SCLY: variants seen among roughly 807,000 people sequenced by gnomAD.
SCLY encodes the protein putative selenocysteine lyase.
A neutral mutation model predicts 50.1 loss-of-function variants in SCLY; 38 were observed. That is an observed-to-expected ratio of 0.76 (90% CI 0.59 to 0.99). The LOEUF (loss-of-function observed/expected upper bound fraction) is 0.99, where lower values mean the gene tolerates loss of function less well. Ranked by LOEUF, SCLY falls within the 50% of genes least tolerant of loss-of-function variation. SCLY has a pLI of 0.00. For missense variants in SCLY, 600 were observed against 620.0 expected (o/e 0.97, Z 0.34); for synonymous variants, 243 against 249.4 (o/e 0.97, Z 0.24).
At chr2:238,071,695 C>T (rs1576664319) in intron 4 of SCLY, among the ~76,000 whole-genome samples, 1 of 152,346 alleles carries the variant, frequency 6.6e-6, no homozygotes, top group East Asian at 1.9e-4. Context: ...TTGAGTTCTT[C>T]TTGTGGATAT....
At position 238,098,414 on chromosome 2, in the gene SCLY, T is replaced by G. The variant is rs1574720825; in HGVS notation, c.*59T>G. The stretch of plus-strand genomic sequence containing the variant: ...AAGCCCGTGGCAGGGCACAGGGTTG[T>G]CCCTCCAGTTCCCTCCTGAGGGCTG... On this transcript the variant is annotated 3_prime_UTR_variant, in exon 12 of 12. Transcript: ENST00000254663. 18 of 1,478,600 alleles carry G rather than the reference T, an allele frequency of 1.2e-5. No homozygotes were observed. Among genetic ancestry groups the G allele is most frequent in the Non-Finnish European group, 1.6e-5 (18 of 1,107,272 alleles). The allele number at this position is 1,478,600 out of a possible 1,614,324, so 91.6% of individuals were successfully genotyped here. A position where few individuals can be genotyped will look rare whatever the true frequency, so the allele number is the denominator to read the frequency against.
At chr2:238,097,887 A>G (rs957528894) in intron 11 of SCLY, among the ~76,000 whole-genome samples, 12 of 152,168 alleles carry the variant, frequency 7.9e-5, no homozygotes, top group Non-Finnish European at 8.8e-5. Flanking sequence ...CGTGTTCTCC[A>G]GGACCTCAGA....
chr2:238,065,813 T>A (rs897951043), intron 2 of SCLY, among the ~76,000 whole-genome samples: 15 of 152,144 alleles, frequency 9.9e-5, no homozygotes, highest in African/African-American at 3.4e-4. Context: ...TAGCTGGGAC[T>A]AGAGGCACGC....
Position 238,098,605 on chromosome 2 carries a change from A to ACCGCCCACATGGCACCGCCCACATG in SCLY, c.*250_*251insCCGCCCACATGGCACCGCCCACATG. ...ACCGCCCACATAGGACCGCCCACAT[A>ACCGCCCACATGGCACCGCCCACATG]GGACCGCCCACATGGGACCGCCCAC... On this transcript the variant is annotated 3_prime_UTR_variant, in exon 12 of 12. Coordinates refer to ENST00000254663, the MANE Select transcript of SCLY (RefSeq NM_016510.7). 3.3e-6 allele frequency: 1 copy of ACCGCCCACATGGCACCGCCCACATG among 303,218 alleles called. No individual in the cohort carries two copies. Among genetic ancestry groups the ACCGCCCACATGGCACCGCCCACATG allele is most frequent in the Non-Finnish European group, 5.4e-6 (1 of 183,904 alleles). The allele number at this position is 303,218 out of a possible 1,614,324, so 18.8% of individuals were successfully genotyped here.
In SCLY at chr2:238,098,758, G is replaced by A. The variant is rs576044793; in HGVS notation, c.*403G>A. On this transcript the variant is annotated 3_prime_UTR_variant, in exon 12 of 12. Transcript: ENST00000254663. ...TGTTGTGAGTGCCCTTTCCTGGAAG[G>A]TGTTTTTATCTGGAAGATAGAATCC... 1 of 349,420 alleles carries A rather than the reference G, an allele frequency of 2.9e-6. No individual in the cohort carries two copies. The highest frequency in any genetic ancestry group is 4.2e-5 in the East Asian group (1 of 23,686). The allele number at this position is 349,420 out of a possible 1,614,324, so 21.6% of individuals were successfully genotyped here.
rs566383615 is a variant in SCLY at position 238,083,900 on chromosome 2, A to G, written c.884+546A>G. 3.9e-5 allele frequency among the ~76,000 whole-genome samples: 6 copies of G among 152,378 alleles called. No individual in the cohort carries two copies. Among genetic ancestry groups the G allele is most frequent in the African/African-American group, 1.2e-4 (5 of 41,590 alleles). ...TTGTGTATCCCACACTTAGTGCTGA[A>G]GAAGCCGGCAAACCTGATATGCTAG... On this transcript the variant is annotated intron_variant, in intron 7 of 11. Coordinates refer to ENST00000254663, the MANE Select transcript of SCLY (RefSeq NM_016510.7). The surrounding 1 kb of genome is among the most constrained non-coding windows in gnomAD (Gnocchi z 4.3).
chr2:238,094,015 T>TG, intron 9 of SCLY, 71 bp downstream of exon 9: 3 of 1,371,374 alleles, frequency 2.2e-6, no homozygotes, highest in Non-Finnish European at 2.0e-6. Flanking sequence ...AGGAGGGGTG[T>TG]GGTGCTCCCA....
rs1238808402 is a variant in SCLY, at chr2:238,098,765, T to C, written c.*410T>C. On this transcript the variant is annotated 3_prime_UTR_variant, in exon 12 of 12. Coordinates refer to ENST00000254663, the MANE Select transcript of SCLY (RefSeq NM_016510.7). Reference sequence around the variant, plus strand: ...AGTGCCCTTTCCTGGAAGGTGTTTTTATCTGGAAGATAGAATCCAAGTATT... The same window carrying C: ...AGTGCCCTTTCCTGGAAGGTGTTTTCATCTGGAAGATAGAATCCAAGTATT... 2.9e-6 allele frequency: 1 copy of C among 348,954 alleles called. No individual in the cohort carries two copies. Among genetic ancestry groups the C allele is most frequent in the Non-Finnish European group, 5.1e-6 (1 of 195,392 alleles). 21.6% of individuals were successfully genotyped at this position (348,954 alleles called of 1,614,324 possible).
At position 238,061,008 on chromosome 2, in the gene SCLY, G is replaced by A. The variant is rs2065010757; in HGVS notation, c.-47G>A. The A allele has an allele frequency of 7.5e-7, 1 of 1,327,514 alleles. No individual in the cohort carries two copies. The highest frequency in any genetic ancestry group is 3.1e-5 in the East Asian group (1 of 32,046). 82.2% of individuals were successfully genotyped at this position (1,327,514 alleles called of 1,614,324 possible). A position where few individuals can be genotyped will look rare whatever the true frequency, so the allele number is the denominator to read the frequency against. On this transcript the variant is annotated 5_prime_UTR_variant, in exon 1 of 12. Coordinates refer to ENST00000254663, the MANE Select transcript of SCLY (RefSeq NM_016510.7). ...TCCTCCCCGGCGCTCTGGGCCCGTAGCGCTCCGCGGGAAGGAGGCTGGATG... is the reference window on the plus strand; with the variant it reads ...TCCTCCCCGGCGCTCTGGGCCCGTAACGCTCCGCGGGAAGGAGGCTGGATG...
At chr2:238,088,163 T>C (rs1353244275) in intron 7 of SCLY, among the ~76,000 whole-genome samples, 1 of 152,180 alleles carries the variant, frequency 6.6e-6, no homozygotes, top group Non-Finnish European at 1.5e-5. Context: ...TGGTTCAATA[T>C]TCAAAATGCG....
At chr2:238,076,133 C>A (rs117012245) in intron 4 of SCLY, among the ~76,000 whole-genome samples, 2,143 of 150,458 alleles carry the variant, frequency 0.014, 43 homozygotes, top group East Asian at 0.11. Context: ...GTCTTATTGC[C>A]CAGGCTGAAG....
intron 9 of SCLY, 189 bp from the exon 10 acceptor site, chr2:238,094,229 TTC>T (rs1221700307): frequency 9.7e-6 from 6 of 619,820 alleles, no homozygotes; most frequent in Non-Finnish European, 1.7e-5. Flanking sequence ...GTTCATATGT[TTC>T]TGAATATTTG....
intron 4 of SCLY, chr2:238,080,479 C>T (rs1392036462): frequency 1.3e-5 from 2 of 152,226 alleles, no homozygotes; most frequent in Non-Finnish European, 2.9e-5. Context: ...GGAGGTGTCT[C>T]CCAGGAAAGG....
chr2:238,071,480 G>C (rs1405810242), intron 4 of SCLY, among the ~76,000 whole-genome samples: 1 of 147,910 alleles, frequency 6.8e-6, no homozygotes, highest in Non-Finnish European at 1.5e-5. Context: ...GTGGTGGTGG[G>C]CACCTATAAT....
intron 6 of SCLY, 102 bp downstream of exon 6, chr2:238,082,311 C>A: frequency 8.3e-7 from 1 of 1,210,244 alleles, no homozygotes. Context: ...TGAGCCAGGC[C>A]TTGGGGGCAC....
At chr2:238,091,387 G>A (rs953202010) in intron 8 of SCLY, 133 bp downstream of exon 8, 8 of 797,308 alleles carry the variant, frequency 1.0e-5, no homozygotes, top group African/African-American at 6.8e-5. Flanking sequence ...GAAAAAGCCT[G>A]GAATCTGATT....
At chr2:238,089,537 A>G (rs1373153002) in intron 7 of SCLY, among the ~76,000 whole-genome samples, 1 of 152,206 alleles carries the variant, frequency 6.6e-6, no homozygotes, top group African/African-American at 2.4e-5. Context: ...TCTTACACCA[A>G]GCTTGTCCAA....
intron 6 of SCLY, among the ~76,000 whole-genome samples, chr2:238,082,449 G>C (rs960354769): frequency 1.3e-5 from 2 of 152,206 alleles, no homozygotes; most frequent in Non-Finnish European, 2.9e-5. Flanking sequence ...GGGGCAGGGT[G>C]GGGGCGGTAG....
At chr2:238,098,099 C>G (rs865978582) in intron 11 of SCLY, 103 bp from the exon 12 acceptor site, 1 of 1,381,694 alleles carries the variant, frequency 7.2e-7, no homozygotes, top group Non-Finnish European at 9.8e-7. Flanking sequence ...GGCGCACATC[C>G]GGGTGGGCAG....
Sources: gnomAD v4.1 joint callset for allele counts (sites outside exome capture counted in the v4.1 genomes callset) on GRCh38, gnomAD v4.1.1 for gene constraint, Gnocchi (gnomAD v3.1) non-coding constraint, MANE v1.5 for transcripts, NCBI Gene and HGNC (gene_info 2026-07-23, HGNC 2026-07-21) for gene names.